The following DOCK11 variants were observed in gnomAD, a reference collection of about 807,000 sequenced individuals.
DOCK11 encodes dedicator of cytokinesis 11, also known as dedicator of cytokinesis protein 11.
A neutral mutation model predicts 169.1 loss-of-function variants in DOCK11; 70 were observed. The observed-to-expected ratio is 0.41, with a 90% confidence interval of 0.34 to 0.51. The LOEUF is 0.51. DOCK11 is among the 20% of genes least tolerant of loss of function. DOCK11 has a pLI of 0.10. For synonymous variants in DOCK11, 529 were observed against 541.3 expected, an observed-to-expected ratio of 0.98 and a Z score of 0.32; for missense variants, 1,166 against 1,538.8, an observed-to-expected ratio of 0.76 and a Z score of 4.05.
At chrX:118,503,336 C>T (rs1225195952) in intron 1 of DOCK11, among the ~76,000 whole-genome samples, 1 of 111,670 alleles carries the variant, frequency 9.0e-6, no homozygotes, top group Non-Finnish European at 1.9e-5. Flanking sequence ...GCTGGGATTA[C>T]AGGCCTGAGC....
intron 12 of DOCK11, 113 bp downstream of exon 12, chrX:118,574,131 G>A (rs148072414): frequency 3.7e-6 from 3 of 808,041 alleles, no homozygotes; most frequent in African/African-American, 2.1e-5. Context: ...CTCTTGTAAG[G>A]TCTGTCGATA....
chrX:118,554,665 C>G (rs2012618548), intron 6 of DOCK11, among the ~76,000 whole-genome samples: 2 of 111,708 alleles, frequency 1.8e-5, no homozygotes, highest in South Asian at 7.5e-4. Context: ...ATCATTGTGG[C>G]CTGGGGTCAG....
intron 31 of DOCK11, among the ~76,000 whole-genome samples, chrX:118,619,969 C>G (rs188239186): frequency 4.2e-3 from 462 of 110,034 alleles, no homozygotes; most frequent in African/African-American, 0.015. Context: ...AGGCACACAC[C>G]GTCATGCCCA....
intron 38 of DOCK11, among the ~76,000 whole-genome samples, chrX:118,640,183 C>T (rs2015493972): frequency 9.0e-6 from 1 of 111,687 alleles, no homozygotes; most frequent in Admixed American, 9.5e-5. Flanking sequence ...GAAATCTTGC[C>T]CAACTGCGGA....
chrX:118,546,999 T>C (rs1393116209), intron 6 of DOCK11, among the ~76,000 whole-genome samples: 1 of 105,381 alleles, frequency 9.5e-6, no homozygotes, highest in Non-Finnish European at 1.9e-5. Context: ...CAAAAATAAA[T>C]AGATAATTTT....
chrX:118,524,578 A>G (rs1461719899), intron 1 of DOCK11, among the ~76,000 whole-genome samples: 1 of 111,921 alleles, frequency 8.9e-6, no homozygotes. Context: ...AAGGACTTAA[A>G]TAGACATTTC....
At chrX:118,564,778 T>C (rs1332751426) in intron 7 of DOCK11, among the ~76,000 whole-genome samples, 1 of 107,486 alleles carries the variant, frequency 9.3e-6, no homozygotes, top group Non-Finnish European at 1.9e-5. Context: ...CTTTCTTTCT[T>C]TCCTTCTTTG....
chrX:118,544,645 C>CTTTTTTTTTTTT lies in DOCK11; in HGVS notation c.393-657_393-646dup, dbSNP rs1157804079. Among the ~76,000 whole-genome samples the CTTTTTTTTTTTT allele has an allele frequency of 3.8e-3, 89 of 23,367 alleles. 16 individuals carry two copies. The highest frequency in any genetic ancestry group is 4.7e-3 in the Non-Finnish European group (66 of 13,904). The allele number at this position is 23,367 out of a possible 115,157, so 20.3% of individuals were successfully genotyped here. A position where few individuals can be genotyped will look rare whatever the true frequency, so the allele number is the denominator to read the frequency against. Reference sequence around the variant, plus strand: ...TGCAAGAGCCAGAATTACACTGTTGCTTTTTTTTTTTTTTTTTTTTTTTTT... The same window carrying CTTTTTTTTTTTT: ...TGCAAGAGCCAGAATTACACTGTTGCTTTTTTTTTTTTTTTTTTTTTTTTTTTTTTTTTTTTT... On this transcript the variant is annotated intron_variant, in intron 4 of 52. Coordinates refer to ENST00000276202, the MANE Select transcript of DOCK11 (RefSeq NM_144658.4).
chrX:118,673,227 A>C (rs1215441112), intron 46 of DOCK11, among the ~76,000 whole-genome samples: 3 of 112,260 alleles, frequency 2.7e-5, no homozygotes, highest in Non-Finnish European at 5.6e-5. Context: ...GATGTTTTCT[A>C]CAGGGGAACT....
Position 118,643,477 on chromosome X carries a change from TGGCC to T in DOCK11, c.4282_4285del (p.Gly1428IlefsTer4). The stretch of plus-strand genomic sequence containing the variant: ...TATAGACCCAACTTTTAAATAATGA[TGGCC>T]ATAACCCATTAATGAAAAAAGTGTT... On this transcript the variant is annotated frameshift_variant, in exon 40 of 53. Coordinates refer to ENST00000276202, the MANE Select transcript of DOCK11 (RefSeq NM_144658.4). LOFTEE classifies it high-confidence loss of function. The T allele has an allele frequency of 8.3e-7, 1 of 1,207,850 alleles. No individual in the cohort carries two copies. The highest frequency in any genetic ancestry group is 1.1e-6 in the Non-Finnish European group (1 of 893,499).
chrX:118,681,543 G>GT (rs1003286627), intron 50 of DOCK11, 151 bp from the exon 51 acceptor site: 5 of 430,623 alleles, frequency 1.2e-5, no homozygotes, highest in African/African-American at 2.6e-5. Flanking sequence ...TTAGTTAATG[G>GT]TTTTTTGAAA....
At chrX:118,502,329 C>G (rs997410679) in intron 1 of DOCK11, among the ~76,000 whole-genome samples, 1 of 112,162 alleles carries the variant, frequency 8.9e-6, no homozygotes, top group Non-Finnish European at 1.9e-5. Flanking sequence ...TGGAGCCACA[C>G]GTTTGCTTCC....
chrX:118,623,033 T>C (rs1387195195), intron 31 of DOCK11, among the ~76,000 whole-genome samples: 4 of 111,598 alleles, frequency 3.6e-5, no homozygotes, highest in East Asian at 2.8e-4. Context: ...CTGGCCAACA[T>C]AGTAAAACGC....
chrX:118,516,125 G>A lies in DOCK11; in HGVS notation c.102+20052G>A, dbSNP rs779231478. ...TTTTTTTTTTTGTGATGGAGTCTGC[G>A]TCTGTTATCCAGCCTGGAGTGCAGT... On this transcript the variant is annotated intron_variant, in intron 1 of 52. Transcript: ENST00000276202. Among the ~76,000 whole-genome samples the A allele has an allele frequency of 1.5e-4, 11 of 71,484 alleles. No individual in the cohort carries two copies. In the East Asian group the frequency reaches 2.9e-3, roughly 19 times the overall value. The allele number at this position is 71,484 out of a possible 115,157, so 62.1% of individuals were successfully genotyped here.
intron 42 of DOCK11, among the ~76,000 whole-genome samples, chrX:118,652,863 A>T (rs986581309): frequency 7.1e-5 from 8 of 112,497 alleles, no homozygotes; most frequent in African/African-American, 2.6e-4. Context: ...TCTGAAAAAG[A>T]TTAAAAGCTC....
chrX:118,658,803 C>A lies in DOCK11; in HGVS notation c.4969+3842C>A, dbSNP rs772834380. 1.3e-4 allele frequency among the ~76,000 whole-genome samples: 14 copies of A among 111,958 alleles called. 1 individual carries two copies. In the South Asian group the frequency reaches 3.4e-3, roughly 27 times the overall value. On this transcript the variant is annotated intron_variant, in intron 44 of 52. Transcript: ENST00000276202. Reference sequence around the variant, plus strand: ...CTCAAATTTTCTAGATCACATTCTCCCTTTTTTCTTTTCCTAAGAGAGGGT... The same window carrying A: ...CTCAAATTTTCTAGATCACATTCTCACTTTTTTCTTTTCCTAAGAGAGGGT...
chrX:118,613,604 T>A (rs1653596401), intron 28 of DOCK11, among the ~76,000 whole-genome samples: 1 of 112,472 alleles, frequency 8.9e-6, no homozygotes, highest in Admixed American at 9.4e-5. Flanking sequence ...CAGATAGAAG[T>A]AGCGAAAGAA....
chrX:118,639,358 T>A, intron 37 of DOCK11, 77 bp from the exon 38 acceptor site: 1 of 1,085,691 alleles, frequency 9.2e-7, no homozygotes, highest in Non-Finnish European at 1.2e-6. Flanking sequence ...AAACCTAATT[T>A]TTTTTAGTTA....
chrX:118,645,363 T>C (rs958478124), intron 40 of DOCK11, among the ~76,000 whole-genome samples: 2 of 111,149 alleles, frequency 1.8e-5, no homozygotes, highest in Admixed American at 9.6e-5. Context: ...TCAGTCTTAG[T>C]GGGGATAGGG....
Sources: allele counts gnomAD v4.1 joint callset (sites outside exome capture counted in the v4.1 genomes callset), GRCh38; gene constraint gnomAD v4.1.1; transcripts MANE v1.5; gene names NCBI Gene and HGNC (gene_info 2026-07-23, HGNC 2026-07-21).